ZNF536: variants seen among roughly 807,000 people sequenced by gnomAD.
ZNF536 encodes the protein zinc finger protein 536.
ZNF536 carries 13 observed loss-of-function variants against 84.5 expected under a neutral mutation model. That is an observed-to-expected ratio of 0.15 (90% confidence interval 0.10 to 0.24). The LOEUF (loss-of-function observed/expected upper bound fraction) is 0.24, where lower values mean the gene tolerates loss of function less well. ZNF536 is among the 10% of genes least tolerant of loss of function. The pLI, the probability that ZNF536 is intolerant of heterozygous loss-of-function variation, is 1.00. For synonymous variants in ZNF536, 811 were observed against 742.5 expected (o/e 1.09, Z -1.50); for missense variants, 1,536 against 1,747.5 (o/e 0.88, Z 2.16).
intron 1 of ZNF536, among the ~76,000 whole-genome samples, chr19:30,278,438 C>T (rs556543718): frequency 1.3e-5 from 2 of 152,192 alleles, no homozygotes; most frequent in South Asian, 2.1e-4. Context: ...GTGGTGTGGG[C>T]GGTGTGGTTT....
intron 2 of ZNF536, among the ~76,000 whole-genome samples, chr19:30,315,187 C>A (rs943802893): frequency 4.6e-5 from 7 of 152,218 alleles, no homozygotes; most frequent in African/African-American, 7.2e-5. Context: ...AGGTGCTCAA[C>A]AAATATGCAT....
intron 1 of ZNF536, among the ~76,000 whole-genome samples, chr19:30,700,242 C>G (rs201148869): frequency 4.8e-5 from 5 of 104,308 alleles, no homozygotes; most frequent in Non-Finnish European, 7.7e-5. Context: ...CTTTCTTTCT[C>G]TCTCTCTCTC....
intron 1 of ZNF536, among the ~76,000 whole-genome samples, chr19:30,700,201 C>CTTCCTTCTTTCTTTCTTTCT: frequency 1.2e-5 from 1 of 82,778 alleles, no homozygotes; most frequent in African/African-American, 4.2e-5. Context: ...TCTTTCTTTC[C>CTTCCTTCTTTCTTTCTTTCT]TTCTTTCTTT....
intron 2 of ZNF536, among the ~76,000 whole-genome samples, chr19:30,508,226 G>T (rs2055253045): frequency 6.6e-6 from 1 of 152,192 alleles, no homozygotes; most frequent in African/African-American, 2.4e-5. Context: ...AGGCTTGCAG[G>T]GGCTTATGGG....
chr19:30,316,057 C>T (rs551747848), intron 2 of ZNF536, among the ~76,000 whole-genome samples: 11 of 152,196 alleles, frequency 7.2e-5, no homozygotes, highest in East Asian at 3.9e-4. Context: ...ATTTTCTTTT[C>T]GACATTACGC....
chr19:30,296,404 CTG>C (rs2045997675), intron 2 of ZNF536, among the ~76,000 whole-genome samples: 1 of 152,228 alleles, frequency 6.6e-6, no homozygotes, highest in Non-Finnish European at 1.5e-5. Flanking sequence ...GTCACCATGG[CTG>C]TCTCTTCTTG....
intron 1 of ZNF536, among the ~76,000 whole-genome samples, chr19:30,651,475 A>G (rs1488263756): frequency 1.3e-5 from 2 of 152,246 alleles, no homozygotes; most frequent in African/African-American, 4.8e-5. Context: ...AGAACAAAAT[A>G]TAATGCTGTG....
chr19:30,525,479 C>A (rs573232960), intron 2 of ZNF536, among the ~76,000 whole-genome samples: 1 of 152,290 alleles, frequency 6.6e-6, no homozygotes, highest in Admixed American at 6.5e-5. Flanking sequence ...GAGGACGTCT[C>A]GCATGCTAGA....
intron 2 of ZNF536, among the ~76,000 whole-genome samples, chr19:30,455,229 G>A (rs118158248): frequency 0.012 from 1,764 of 152,132 alleles, 12 homozygotes; most frequent in Middle Eastern, 0.024. Flanking sequence ...AAAATTAAAT[G>A]TGTATGCCTA....
intron 1 of ZNF536, among the ~76,000 whole-genome samples, chr19:30,651,283 G>T (rs935348292): frequency 6.6e-6 from 1 of 152,202 alleles, no homozygotes; most frequent in Non-Finnish European, 1.5e-5. Flanking sequence ...TGTTGCCTGT[G>T]TGTTTCATCA....
upstream of ZNF536, among the ~76,000 whole-genome samples, chr19:30,225,618 G>C (rs2022570598): frequency 6.6e-6 from 1 of 150,988 alleles, no homozygotes; most frequent in Admixed American, 6.6e-5. Flanking sequence ...CTTTTACAAC[G>C]CTCCGTTTAC....
At chr19:30,487,650 G>T (rs1450520333) in intron 2 of ZNF536, among the ~76,000 whole-genome samples, 1 of 152,132 alleles carries the variant, frequency 6.6e-6, no homozygotes, top group Non-Finnish European at 1.5e-5. Context: ...CCTGGTGCAT[G>T]TTAAGAAGGT....
At chr19:30,690,775 AC>A (rs1419622479) in intron 1 of ZNF536, among the ~76,000 whole-genome samples, 1 of 152,146 alleles carries the variant, frequency 6.6e-6, no homozygotes, top group East Asian at 1.9e-4. Flanking sequence ...ATTGGGACTT[AC>A]CTTACAATTT....
At chr19:30,597,549 A>T (rs2047510373) in intron 1 of ZNF536, among the ~76,000 whole-genome samples, 1 of 152,248 alleles carries the variant, frequency 6.6e-6, no homozygotes, top group Non-Finnish European at 1.5e-5. Context: ...TAGTAGGGTT[A>T]TAATTAAGAG....
chr19:30,341,657 AT>A (rs796887036), intron 2 of ZNF536, among the ~76,000 whole-genome samples: 1 of 150,912 alleles, frequency 6.6e-6, no homozygotes, highest in African/African-American at 2.4e-5. Context: ...ACTTGCAGAG[AT>A]TTTTTTTTCA....
intron 1 of ZNF536, among the ~76,000 whole-genome samples, chr19:30,564,272 C>T (rs2046274586): frequency 6.6e-6 from 1 of 151,246 alleles, no homozygotes; most frequent in Non-Finnish European, 1.5e-5. Context: ...GAGGTGGAGG[C>T]CAGACTGGGC....
At chr19:30,230,916 C>G (rs1013960671) in intron 1 of ZNF536, among the ~76,000 whole-genome samples, 55 of 151,472 alleles carry the variant, frequency 3.6e-4, no homozygotes, top group Non-Finnish European at 7.1e-4. Flanking sequence ...TTTTAAAGTG[C>G]CTTGAATGGA....
intron 2 of ZNF536, among the ~76,000 whole-genome samples, chr19:30,349,709 C>T (rs1259852045): frequency 6.6e-6 from 1 of 151,970 alleles, no homozygotes; most frequent in East Asian, 1.9e-4. Context: ...AACTAGCCAT[C>T]TTTTTGCCTG....
At chr19:30,401,086 G>C (rs965413805) in intron 1 of ZNF536, among the ~76,000 whole-genome samples, 2 of 152,066 alleles carry the variant, frequency 1.3e-5, no homozygotes, top group Admixed American at 6.5e-5. Flanking sequence ...TTTGTTTATA[G>C]ATATCCAGTT....
Sources: allele counts gnomAD v4.1 joint callset (sites outside exome capture counted in the v4.1 genomes callset), GRCh38; gene constraint gnomAD v4.1.1; transcripts MANE v1.5; gene names NCBI Gene and HGNC (gene_info 2026-07-23, HGNC 2026-07-21).